Variants in STK39 observed in about 807,000 individuals in gnomAD.
STK39 encodes serine/threonine kinase 39.
In STK39, 20 loss-of-function variants were observed where a neutral mutation model predicts 77.8. The ratio of observed to expected loss-of-function variants is 0.26; its 90% CI spans 0.18 to 0.37. STK39 has a LOEUF of 0.37. STK39 is among the 10% of genes least tolerant of loss of function. The probability of loss-of-function intolerance (pLI) is 1.00; values close to 1 mark genes in which losing one functional copy is unlikely to be tolerated. For synonymous variants in STK39, 246 were observed against 234.1 expected (o/e 1.05, Z -0.47); for missense variants, 479 against 656.5 (o/e 0.73, Z 2.95).
At chr2:168,213,051 C>T (rs933406031) in intron 1 of STK39, among the ~76,000 whole-genome samples, 2 of 152,218 alleles carry the variant, frequency 1.3e-5, no homozygotes, top group African/African-American at 4.8e-5. Context: ...AGTGACTCGA[C>T]CCACAGATCC....
intron 14 of STK39, among the ~76,000 whole-genome samples, chr2:168,053,946 T>G (rs533701457): frequency 6.6e-6 from 1 of 152,308 alleles, no homozygotes; most frequent in East Asian, 1.9e-4. Context: ...CAGCAGCAAA[T>G]GTAGGACGAA....
rs527349804 is a variant in STK39 at position 167,969,663 on chromosome 2, G to A, written c.1499-4937C>T. ...GAAATATATCCACATACGCAGAAAC[G>A]AATGACTTCTCACCACCTCCGCTGC... On this transcript the variant is annotated intron_variant, in intron 16 of 17. Coordinates refer to ENST00000355999, the MANE Select transcript of STK39 (RefSeq NM_013233.3). 1.7e-4 allele frequency among the ~76,000 whole-genome samples: 26 copies of A among 152,208 alleles called. No individual in the cohort carries two copies. In the South Asian group the frequency reaches 2.7e-3, roughly 16 times the overall value.
rs76163770 is a variant in STK39 at position 168,113,943 on chromosome 2, T to C, written c.1089+15598A>G. Among the ~76,000 whole-genome samples, 1,086 of 152,354 alleles carry C rather than the reference T, an allele frequency of 7.1e-3. 13 individuals are homozygous for C. Among genetic ancestry groups the C allele is most frequent in the African/African-American group, 0.024 (1,008 of 41,582 alleles). On this transcript the variant is annotated intron_variant, in intron 10 of 17. Transcript: ENST00000355999. ...TCAGAGGAAGACGAGCTGATTCAGATGTCATTTATTACCAAAAATGTTTAC... is the reference window on the plus strand; with the variant it reads ...TCAGAGGAAGACGAGCTGATTCAGACGTCATTTATTACCAAAAATGTTTAC...
At chr2:168,068,121 C>T (rs1470020187) in intron 12 of STK39, among the ~76,000 whole-genome samples, 3 of 152,128 alleles carry the variant, frequency 2.0e-5, no homozygotes, top group Non-Finnish European at 2.9e-5. Flanking sequence ...ATTCAATTAC[C>T]GCTCATCGGG....
intron 16 of STK39, among the ~76,000 whole-genome samples, chr2:167,970,077 C>G (rs2105249671): frequency 6.6e-6 from 1 of 152,268 alleles, no homozygotes; most frequent in East Asian, 1.9e-4. Context: ...GTTCTTCCTC[C>G]ATGACTCCAT....
At chr2:168,083,849 C>G (rs1286769779) in intron 10 of STK39, among the ~76,000 whole-genome samples, 1 of 151,882 alleles carries the variant, frequency 6.6e-6, no homozygotes, top group East Asian at 1.9e-4. Context: ...GAAAAGCTGG[C>G]CAAGTGAGGA....
intron 1 of STK39, among the ~76,000 whole-genome samples, chr2:168,243,161 C>G (rs1264333681): frequency 1.3e-5 from 2 of 152,206 alleles, no homozygotes; most frequent in Non-Finnish European, 2.9e-5. Context: ...GAAGGTACCA[C>G]TGTCCTCAAA....
At chr2:167,964,959 T>C (rs3213942) in intron 16 of STK39, among the ~76,000 whole-genome samples, 5,867 of 152,302 alleles carry the variant, frequency 0.039, 276 homozygotes, top group East Asian at 0.21. Context: ...AATCACTGTA[T>C]GTCAACTCTG....
intron 10 of STK39, among the ~76,000 whole-genome samples, chr2:168,098,177 A>T (rs560508555): frequency 1.3e-5 from 2 of 152,348 alleles, no homozygotes; most frequent in African/African-American, 4.8e-5. Flanking sequence ...TCGGCACCCA[A>T]GAAATATTTG....
At chr2:168,029,983 G>A (rs1009907782) in intron 14 of STK39, among the ~76,000 whole-genome samples, 3 of 152,194 alleles carry the variant, frequency 2.0e-5, no homozygotes, top group Non-Finnish European at 4.4e-5. Flanking sequence ...GCTCATGCCT[G>A]TAATCCAAGC....
intron 5 of STK39, among the ~76,000 whole-genome samples, chr2:168,142,947 A>G (rs1354533739): frequency 6.6e-6 from 1 of 152,234 alleles, no homozygotes; most frequent in African/African-American, 2.4e-5. Flanking sequence ...TTGGTATATT[A>G]TATTGAGATA....
intron 16 of STK39, among the ~76,000 whole-genome samples, chr2:167,979,579 C>T (rs1308629119): frequency 1.3e-5 from 2 of 152,100 alleles, no homozygotes; most frequent in African/African-American, 4.8e-5. Context: ...ATTAGGAAAA[C>T]ACAGGTGTTT....
In STK39 at chr2:168,054,219, A is replaced by G. The variant is rs376968729; in HGVS notation, c.1376+9281T>C. 4.1e-4 allele frequency among the ~76,000 whole-genome samples: 62 copies of G among 152,360 alleles called. 1 individual carries two copies. The highest frequency in any genetic ancestry group is 1.4e-3 in the African/African-American group (57 of 41,588). On this transcript the variant is annotated intron_variant, in intron 14 of 17. Transcript: ENST00000355999. ...TCTGACTGCATTCAAAACAGGACTG[A>G]ATAGAGCAAGGCCACAGGGTCAGGG...
intron 1 of STK39, among the ~76,000 whole-genome samples, chr2:168,190,371 G>A (rs1016410272): frequency 6.6e-6 from 1 of 152,178 alleles, no homozygotes; most frequent in Admixed American, 6.5e-5. Context: ...GTCGCTGTGG[G>A]GGATGTGGCA....
At chr2:168,093,922 C>T (rs1428407901) in intron 10 of STK39, among the ~76,000 whole-genome samples, 1 of 152,212 alleles carries the variant, frequency 6.6e-6, no homozygotes, top group Non-Finnish European at 1.5e-5. Context: ...CATATCTTCC[C>T]TCTATTTCAA....
At chr2:168,036,856 G>A (rs1234623991) in intron 14 of STK39, among the ~76,000 whole-genome samples, 1 of 152,192 alleles carries the variant, frequency 6.6e-6, no homozygotes, top group Non-Finnish European at 1.5e-5. Flanking sequence ...GGAAGAGGCT[G>A]CTCCTCAGCA....
At chr2:168,199,021 C>T (rs940479427) in intron 1 of STK39, among the ~76,000 whole-genome samples, 2 of 152,190 alleles carry the variant, frequency 1.3e-5, no homozygotes, top group African/African-American at 2.4e-5. Context: ...CTGATGTCTC[C>T]AGATTCTTTG....
rs115997653 is a variant in STK39 at position 168,055,646 on chromosome 2, G to T, written c.1376+7854C>A. On this transcript the variant is annotated intron_variant, in intron 14 of 17. Coordinates refer to ENST00000355999, the MANE Select transcript of STK39 (RefSeq NM_013233.3). ...TGGCAGGGCTGCCTTCAGCAAAACT[G>T]TAAATGCCATCCATAGGGCTGAGCT... Among the ~76,000 whole-genome samples the T allele has an allele frequency of 2.1e-3, 317 of 152,328 alleles. 4 individuals are homozygous for T. The highest frequency in any genetic ancestry group is 7.4e-3 in the African/African-American group (307 of 41,582).
chr2:168,239,267 A>G (rs779224489), intron 1 of STK39, among the ~76,000 whole-genome samples: 12 of 152,204 alleles, frequency 7.9e-5, no homozygotes, highest in Non-Finnish European at 1.5e-4. Flanking sequence ...GAGATCACTG[A>G]TATACAAAAG....
Sources: gnomAD v4.1 joint callset for allele counts (sites outside exome capture counted in the v4.1 genomes callset) on GRCh38, gnomAD v4.1.1 for gene constraint, MANE v1.5 for transcripts, NCBI Gene and HGNC (gene_info 2026-07-23, HGNC 2026-07-21) for gene names.